The following TMEM86A variants were observed in gnomAD, a reference collection of about 807,000 sequenced individuals.
The protein encoded by TMEM86A is transmembrane protein 86A.
In TMEM86A, 13 loss-of-function variants were observed where a neutral mutation model predicts 19.8. The ratio of observed to expected loss-of-function variants is 0.66; its 90% CI spans 0.43 to 1.04. The LOEUF is 1.04. Ranked by LOEUF, TMEM86A falls within the 50% of genes least tolerant of loss-of-function variation. The pLI is 0.00. For synonymous variants in TMEM86A, 128 were observed against 129.9 expected (o/e 0.99, Z 0.10); for missense variants, 248 against 306.8 (o/e 0.81, Z 1.43).
Position 18,701,277 on chromosome 11 carries a change from A to G in TMEM86A, c.286+80A>G, listed in dbSNP as rs370635793. 3.5e-5 allele frequency: 54 copies of G among 1,537,140 alleles called. No individual in the cohort carries two copies. The East Asian group carries it at 1.2e-3, about 34-fold the overall frequency. On this transcript the variant is annotated intron_variant, in intron 2 of 2. Coordinates refer to ENST00000280734, the MANE Select transcript of TMEM86A (RefSeq NM_153347.3). The surrounding 1 kb of genome is among the most constrained non-coding windows in gnomAD (Gnocchi z 5.3). ...TCCTGGGCTGTGGGCAAAGATTTGG[A>G]AGAGGGAGTTCTTGAACCAGAGTGT...
In TMEM86A at chr11:18,701,566, C is replaced by T. The variant is rs1160789309; in HGVS notation, c.287-7C>T. 1.9e-6 allele frequency: 3 copies of T among 1,540,530 alleles called. No individual in the cohort carries two copies. The highest frequency in any genetic ancestry group is 4.5e-5 in the East Asian group (2 of 44,226). ...CCCTCAGCTGCCTTTGCCCCTCTTA[C>T]CCCCAGGTCTGCTGATGTTTGCTGT... On this transcript the variant is annotated splice_region_variant and splice_polypyrimidine_tract_variant and intron_variant, in intron 2 of 2. Coordinates refer to ENST00000280734, the MANE Select transcript of TMEM86A (RefSeq NM_153347.3). The surrounding 1 kb of genome is among the most constrained non-coding windows in gnomAD (Gnocchi z 5.3).
Position 18,701,448 on chromosome 11 carries a change from C to T in TMEM86A, c.287-125C>T. 1.7e-6 allele frequency: 2 copies of T among 1,186,100 alleles called. No individual in the cohort carries two copies. Among genetic ancestry groups the T allele is most frequent in the Non-Finnish European group, 2.4e-6 (2 of 846,550 alleles). 73.5% of individuals were successfully genotyped at this position (1,186,100 alleles called of 1,614,324 possible). A position where few individuals can be genotyped will look rare whatever the true frequency, so the allele number is the denominator to read the frequency against. ...TTTAGATCTTCCTACCCCTGTTATC[C>T]CAAAGCAAAGCTGCTGGGTTATCCC... On this transcript the variant is annotated intron_variant, in intron 2 of 2. Coordinates refer to ENST00000280734, the MANE Select transcript of TMEM86A (RefSeq NM_153347.3). The surrounding 1 kb of genome is among the most constrained non-coding windows in gnomAD (Gnocchi z 5.3).
At position 18,698,893 on chromosome 11, in the gene TMEM86A, TC is replaced by T. The variant is rs1278008634; in HGVS notation, c.11del (p.Pro4ArgfsTer5). The T allele has an allele frequency of 4.4e-6, 3 of 680,766 alleles. No individual in the cohort carries two copies. The highest frequency in any genetic ancestry group is 4.4e-5 in the Admixed American group (2 of 45,392). The allele number at this position is 680,766 out of a possible 1,614,324, so 42.2% of individuals were successfully genotyped here. A position where few individuals can be genotyped will look rare whatever the true frequency, so the allele number is the denominator to read the frequency against. On this transcript the variant is annotated frameshift_variant, in exon 1 of 3. Transcript: ENST00000280734. LOFTEE classifies it high-confidence loss of function. ...AGCCGCCGCCGCCGCCGCCATGGTGTCCCCGGTCACTGTGGTGAGTGAGCGA... is the reference window on the plus strand; with the variant it reads ...AGCCGCCGCCGCCGCCGCCATGGTGTCCCGGTCACTGTGGTGAGTGAGCGA... Reference protein sequence around the residue: MVSPVTVVKSEGP... With the variant: MVXPVTVVKSEGP...
In TMEM86A at chr11:18,702,031, CT is replaced by C. The variant is rs746562942; in HGVS notation, c.*23del. On this transcript the variant is annotated 3_prime_UTR_variant, in exon 3 of 3. Coordinates refer to ENST00000280734, the MANE Select transcript of TMEM86A (RefSeq NM_153347.3). ...CTGAGGTGCCAGGGTCTGGTCACCC[CT>C]CTCTCCTCCTGGGGCTGGGGCCCAG... The C allele has an allele frequency of 3.4e-5, 55 of 1,596,808 alleles. No individual in the cohort carries two copies. The highest frequency in any genetic ancestry group is 4.6e-5 in the Non-Finnish European group (54 of 1,176,500).
At chr11:18,698,936 C>T (rs1376509770) in intron 1 of TMEM86A, 29 bp downstream of exon 1, 1 of 607,568 alleles carries the variant, frequency 1.6e-6, no homozygotes, top group Admixed American at 2.7e-5. Context: ...GAGCCAGTGC[C>T]CGGCGCGGCT....
Position 18,700,995 on chromosome 11 carries a change from C to T in TMEM86A, c.84C>T (p.Leu28=). The change falls in exon 2 of 3, where the codon CTC becomes CTT. Residue 28 remains leucine (L), a synonymous_variant. Transcript: ENST00000280734. ...AGGCCACCTGCGTGTATTTTGTGCT[C>T]TGGCTGCCCTCATCTAGCCCATCGT... ...FFKATCVYFV[L]WLPSSSPSWV... The T allele has an allele frequency of 6.2e-7, 1 of 1,614,178 alleles. No individual in the cohort carries two copies. The highest frequency in any genetic ancestry group is 8.5e-7 in the Non-Finnish European group (1 of 1,180,028).
In TMEM86A at chr11:18,702,038, C is replaced by T. The variant is rs753684002; in HGVS notation, c.*29C>T. 1 of 1,593,200 alleles carries T rather than the reference C, an allele frequency of 6.3e-7. No individual in the cohort carries two copies. The highest frequency in any genetic ancestry group is 8.5e-7 in the Non-Finnish European group (1 of 1,174,200). ...GCCAGGGTCTGGTCACCCCTCTCTCCTCCTGGGGCTGGGGCCCAGATCCTG... is the reference window on the plus strand; with the variant it reads ...GCCAGGGTCTGGTCACCCCTCTCTCTTCCTGGGGCTGGGGCCCAGATCCTG... On this transcript the variant is annotated 3_prime_UTR_variant, in exon 3 of 3. Transcript: ENST00000280734.
rs1848177415 is a variant in TMEM86A, at chr11:18,704,154, G to A, written c.*2145G>A. ...GGGGAAAGTGCCATGTAGATGTGGA[G>A]GAGGGGAAGGGAAGACCAGGCCCAG... On this transcript the variant is annotated 3_prime_UTR_variant, in exon 3 of 3. Transcript: ENST00000280734. The A allele has an allele frequency of 3.3e-6, 1 of 306,242 alleles. No homozygotes were observed. The highest frequency in any genetic ancestry group is 5.1e-5 in the South Asian group (1 of 19,744). 19.0% of individuals were successfully genotyped at this position (306,242 alleles called of 1,614,324 possible). A position where few individuals can be genotyped will look rare whatever the true frequency, so the allele number is the denominator to read the frequency against.
Position 18,702,972 on chromosome 11 carries a change from C to T in TMEM86A, c.*963C>T, listed in dbSNP as rs1007847491. ...CACAGTGCTTTCCTCCTTGTCCCTCCTACACTAGGAGCAAGAGGAGGGGGC... is the reference window on the plus strand; with the variant it reads ...CACAGTGCTTTCCTCCTTGTCCCTCTTACACTAGGAGCAAGAGGAGGGGGC... On this transcript the variant is annotated 3_prime_UTR_variant, in exon 3 of 3. Coordinates refer to ENST00000280734, the MANE Select transcript of TMEM86A (RefSeq NM_153347.3). 2 of 152,666 alleles carry T rather than the reference C, an allele frequency of 1.3e-5. No homozygotes were observed. Among genetic ancestry groups the T allele is most frequent in the Non-Finnish European group, 2.9e-5 (2 of 68,060 alleles). The allele number at this position is 152,666 out of a possible 1,614,324, so 9.5% of individuals were successfully genotyped here. A position where few individuals can be genotyped will look rare whatever the true frequency, so the allele number is the denominator to read the frequency against.
In TMEM86A at chr11:18,699,025, G is replaced by A; in HGVS notation, c.21+118G>A. 1 of 379,048 alleles carries A rather than the reference G, an allele frequency of 2.6e-6. No individual in the cohort carries two copies. The highest frequency in any genetic ancestry group is 1.2e-4 in the South Asian group (1 of 8,690). The allele number at this position is 379,048 out of a possible 1,614,324, so 23.5% of individuals were successfully genotyped here. ...CGAGGCGGGGCGGGGGTCCCGTGGCGGCCGGAGTCCCGCGGCGGGAGGCGG... is the reference window on the plus strand; with the variant it reads ...CGAGGCGGGGCGGGGGTCCCGTGGCAGCCGGAGTCCCGCGGCGGGAGGCGG... On this transcript the variant is annotated intron_variant, in intron 1 of 2. Coordinates refer to ENST00000280734, the MANE Select transcript of TMEM86A (RefSeq NM_153347.3). The surrounding 1 kb of genome is among the most constrained non-coding windows in gnomAD (Gnocchi z 4.0).
chr11:18,700,862 G>A (rs868566667), intron 1 of TMEM86A, 71 bp from the exon 2 acceptor site: 2 of 1,573,760 alleles, frequency 1.3e-6, no homozygotes, highest in African/African-American at 1.3e-5. Context: ...CTCTGGGGTG[G>A]ATGCCTAGGC....
In TMEM86A at chr11:18,704,689, T is replaced by C; in HGVS notation, c.*2680T>C. ...GAGTGTGAAGGGGCAAGAGCTGCCA[T>C]TTATCTAGCACTTAATATTTGCCAG... On this transcript the variant is annotated 3_prime_UTR_variant, in exon 3 of 3. Coordinates refer to ENST00000280734, the MANE Select transcript of TMEM86A (RefSeq NM_153347.3). 3.2e-6 allele frequency: 2 copies of C among 630,872 alleles called. No homozygotes were observed. Among genetic ancestry groups the C allele is most frequent in the South Asian group, 3.5e-5 (2 of 56,810 alleles). 39.1% of individuals were successfully genotyped at this position (630,872 alleles called of 1,614,324 possible). A position where few individuals can be genotyped will look rare whatever the true frequency, so the allele number is the denominator to read the frequency against.
At chr11:18,700,178 C>G (rs553244125) in intron 1 of TMEM86A, 14 of 152,434 alleles carry the variant, frequency 9.2e-5, no homozygotes, top group African/African-American at 3.4e-4. Context: ...GGAATAGAAC[C>G]TCTCCCCCCT....
rs751056944 is a variant in TMEM86A at position 18,704,685 on chromosome 11, G to C, written c.*2676G>C. On this transcript the variant is annotated 3_prime_UTR_variant, in exon 3 of 3. Transcript: ENST00000280734. ...GGCAGAGTGTGAAGGGGCAAGAGCT[G>C]CCATTTATCTAGCACTTAATATTTG... 1.6e-6 allele frequency: 1 copy of C among 633,978 alleles called. No homozygotes were observed. Among genetic ancestry groups the C allele is most frequent in the Non-Finnish European group, 2.8e-6 (1 of 352,260 alleles). The allele number at this position is 633,978 out of a possible 1,614,324, so 39.3% of individuals were successfully genotyped here.
rs1167178363 is a variant in TMEM86A at position 18,702,003 on chromosome 11, C to T, written c.717C>T (p.Ala239=). 2 of 1,604,482 alleles carry T rather than the reference C, an allele frequency of 1.2e-6. No individual in the cohort carries two copies. The highest frequency in any genetic ancestry group is 1.7e-5 in the Admixed American group (1 of 59,992). ...TGGAACACTACAGACTGACCAAGGC[C>T]AACTGAGGTGCCAGGGTCTGGTCAC... is the stretch of plus-strand genomic sequence containing the variant. ...EPVEHYRLTK[A]N is the part of the protein sequence containing the mutation. The change falls in exon 3 of 3, where the codon GCC becomes GCT. Residue 239 remains alanine (A), a synonymous_variant. Transcript: ENST00000280734.
rs150134414 is a variant in TMEM86A, at chr11:18,701,439, CCT to C, written c.287-133_287-132del. 2.2e-3 allele frequency: 2,362 copies of C among 1,092,204 alleles called. 46 individuals carry two copies. In the African/African-American group the frequency reaches 0.032, roughly 15 times the overall value. The allele number at this position is 1,092,204 out of a possible 1,614,324, so 67.7% of individuals were successfully genotyped here. A position where few individuals can be genotyped will look rare whatever the true frequency, so the allele number is the denominator to read the frequency against. ...GTCTTTAACTTTAGATCTTCCTACC[CCT>C]GTTATCCCAAAGCAAAGCTGCTGGG... is the stretch of plus-strand genomic sequence containing the variant. On this transcript the variant is annotated intron_variant, in intron 2 of 2. Coordinates refer to ENST00000280734, the MANE Select transcript of TMEM86A (RefSeq NM_153347.3). This position sits in a 1 kb window ranked among gnomAD's most constrained non-coding sequence, Gnocchi z 5.3.
rs1042009803 is a variant in TMEM86A, at chr11:18,699,526, A to G, written c.21+619A>G. On this transcript the variant is annotated intron_variant, in intron 1 of 2. Transcript: ENST00000280734. This position sits in a 1 kb window ranked among gnomAD's most constrained non-coding sequence, Gnocchi z 4.0. Reference sequence around the variant, plus strand: ...TCCCTATAACTGTCAGGGTCTCTCCAGCTACTGCCAGTATCTCCTTCTAGA... The same window carrying G: ...TCCCTATAACTGTCAGGGTCTCTCCGGCTACTGCCAGTATCTCCTTCTAGA... Among the ~76,000 whole-genome samples, 9 of 152,178 alleles carry G rather than the reference A, an allele frequency of 5.9e-5. No individual in the cohort carries two copies. The highest frequency in any genetic ancestry group is 2.2e-4 in the African/African-American group (9 of 41,448).
At position 18,704,682 on chromosome 11, in the gene TMEM86A, G is replaced by C. The variant is rs1848187893; in HGVS notation, c.*2673G>C. 3 of 639,466 alleles carry C rather than the reference G, an allele frequency of 4.7e-6. No homozygotes were observed. Among genetic ancestry groups the C allele is most frequent in the Non-Finnish European group, 8.4e-6 (3 of 355,484 alleles). 39.6% of individuals were successfully genotyped at this position (639,466 alleles called of 1,614,324 possible). ...GTTGGCAGAGTGTGAAGGGGCAAGAGCTGCCATTTATCTAGCACTTAATAT... is the reference window on the plus strand; with the variant it reads ...GTTGGCAGAGTGTGAAGGGGCAAGACCTGCCATTTATCTAGCACTTAATAT... On this transcript the variant is annotated 3_prime_UTR_variant, in exon 3 of 3. Transcript: ENST00000280734.
Position 18,699,328 on chromosome 11 carries a change from T to C in TMEM86A, c.21+421T>C, listed in dbSNP as rs375359074. Among the ~76,000 whole-genome samples the C allele has an allele frequency of 1.8e-4, 28 of 152,336 alleles. No homozygotes were observed. Among genetic ancestry groups the C allele is most frequent in the African/African-American group, 6.7e-4 (28 of 41,588 alleles). ...CCTGGGAATGCCGTCCCAAGTTTGT[T>C]TCCTAACCTTCCTCATTTTGTAAAC... On this transcript the variant is annotated intron_variant, in intron 1 of 2. Transcript: ENST00000280734. The surrounding 1 kb of genome is among the most constrained non-coding windows in gnomAD (Gnocchi z 4.0).
Sources: allele counts gnomAD v4.1 joint callset (sites outside exome capture counted in the v4.1 genomes callset), GRCh38; gene constraint gnomAD v4.1.1; non-coding constraint Gnocchi (gnomAD v3.1); transcripts MANE v1.5; gene names NCBI Gene and HGNC (gene_info 2026-07-23, HGNC 2026-07-21).